Variants in RPTOR observed in about 807,000 individuals in gnomAD.
The protein encoded by RPTOR is regulatory associated protein of MTOR complex 1, also known as regulatory-associated protein of mTOR.
Under a neutral mutation model 169.9 loss-of-function variants are expected in RPTOR, and 21 were observed. The observed-to-expected ratio is 0.12, with a 90% confidence interval of 0.09 to 0.18. RPTOR has a LOEUF of 0.18. RPTOR is among the 10% of genes least tolerant of loss of function. The pLI is 1.00. For missense variants in RPTOR, 1,133 were observed against 1,855.9 expected, an observed-to-expected ratio of 0.61 and a Z score of 7.16; for synonymous variants, 732 against 753.2, an observed-to-expected ratio of 0.97 and a Z score of 0.46.
intron 1 of RPTOR, among the ~76,000 whole-genome samples, chr17:80,577,339 AT>A (rs2064973367): frequency 6.6e-6 from 1 of 152,148 alleles, no homozygotes; most frequent in Admixed American, 6.5e-5. Flanking sequence ...CTCAGTTGTC[AT>A]TCTTGAAAGG....
In RPTOR at chr17:80,707,826, C is replaced by T. The variant is rs72849968; in HGVS notation, c.349-15C>T. On this transcript the variant is annotated splice_polypyrimidine_tract_variant and intron_variant, in intron 3 of 33. Coordinates refer to ENST00000306801, the MANE Select transcript of RPTOR (RefSeq NM_020761.3). This position sits in a 1 kb window ranked among gnomAD's most constrained non-coding sequence, Gnocchi z 5.0. ...GAGTCCGTGGTAAATTTCTTCATTT[C>T]TTCTCCTGCAACAGGCCCGGTACAA... The T allele has an allele frequency of 1.1e-3, 1,799 of 1,605,958 alleles. 1 individual carries two copies. The highest frequency in any genetic ancestry group is 1.4e-3 in the Non-Finnish European group (1,679 of 1,174,070).
At chr17:80,849,083 C>G (rs776945426) in intron 11 of RPTOR, among the ~76,000 whole-genome samples, 1 of 152,140 alleles carries the variant, frequency 6.6e-6, no homozygotes. Flanking sequence ...AATGGGGTAT[C>G]GGCTTCATTT....
intron 6 of RPTOR, among the ~76,000 whole-genome samples, chr17:80,759,477 C>T (rs2143360876): frequency 6.6e-6 from 1 of 152,306 alleles, no homozygotes; most frequent in East Asian, 1.9e-4. Flanking sequence ...CAGATAACCA[C>T]TGCCTGGAAC....
intron 20 of RPTOR, among the ~76,000 whole-genome samples, chr17:80,905,052 A>G (rs1002634997): frequency 2.6e-4 from 40 of 152,200 alleles, no homozygotes; most frequent in African/African-American, 9.6e-4. Context: ...CACGACGCTC[A>G]GTCCTGCTAG....
chr17:80,950,234 G>C (rs1372658784), intron 28 of RPTOR, among the ~76,000 whole-genome samples: 1 of 152,214 alleles, frequency 6.6e-6, no homozygotes, highest in Non-Finnish European at 1.5e-5. Context: ...AGCCCTTGGC[G>C]ATGCTCAGAG....
chr17:80,896,301 G>A (rs2068397728), intron 20 of RPTOR, among the ~76,000 whole-genome samples: 1 of 151,556 alleles, frequency 6.6e-6, no homozygotes, highest in African/African-American at 2.4e-5. Flanking sequence ...TAGGGTCTGA[G>A]TGGGGGCTCC....
At chr17:80,758,841 ATGGG>A (rs1486855045) in intron 6 of RPTOR, among the ~76,000 whole-genome samples, 1 of 151,952 alleles carries the variant, frequency 6.6e-6, no homozygotes, top group Non-Finnish European at 1.5e-5. Context: ...TTTCAGGCAG[ATGGG>A]TGGGGGAGCA....
intron 5 of RPTOR, among the ~76,000 whole-genome samples, chr17:80,743,836 C>CTCTCCTGGTTACT (rs2066518602): frequency 1.1e-5 from 1 of 94,422 alleles, no homozygotes; most frequent in African/African-American, 3.6e-5. Flanking sequence ...GCTACTAGCA[C>CTCTCCTGGTTACT]AGCCCTGGTT....
chr17:80,810,695 T>A (rs9899671), intron 7 of RPTOR, among the ~76,000 whole-genome samples: 24,068 of 152,172 alleles, frequency 0.16, 1,984 homozygotes, highest in Middle Eastern at 0.22. Flanking sequence ...TGACTGGAAT[T>A]ACATTAAATC....
intron 10 of RPTOR, among the ~76,000 whole-genome samples, chr17:80,839,897 C>CT (rs1467599735): frequency 2.0e-5 from 3 of 152,174 alleles, no homozygotes; most frequent in East Asian, 1.9e-4. Flanking sequence ...GGATTTTACT[C>CT]TATCTATGCT....
intron 13 of RPTOR, among the ~76,000 whole-genome samples, chr17:80,872,444 C>T (rs968026275): frequency 2.6e-5 from 4 of 152,126 alleles, no homozygotes; most frequent in African/African-American, 4.8e-5. Flanking sequence ...CCAGACCACA[C>T]GAGCTGGGCC....
chr17:80,614,159 A>G (rs1292788715), intron 1 of RPTOR, among the ~76,000 whole-genome samples: 3 of 152,058 alleles, frequency 2.0e-5, no homozygotes, highest in African/African-American at 7.2e-5. Flanking sequence ...GAGCCAGGGG[A>G]GCCCACCCCC....
chr17:80,649,448 A>T (rs1013091145), intron 3 of RPTOR, among the ~76,000 whole-genome samples: 1 of 150,406 alleles, frequency 6.6e-6, no homozygotes, highest in African/African-American at 2.4e-5. Flanking sequence ...AACTCACCTG[A>T]CTTTCTTCTC....
chr17:80,884,364 G>A (rs893785487), intron 16 of RPTOR, among the ~76,000 whole-genome samples: 4 of 152,224 alleles, frequency 2.6e-5, no homozygotes, highest in Non-Finnish European at 5.9e-5. Context: ...GAAAGGTGCG[G>A]GGCACTGCCC....
intron 3 of RPTOR, among the ~76,000 whole-genome samples, chr17:80,648,547 C>T (rs543774746): frequency 2.0e-5 from 3 of 152,114 alleles, no homozygotes; most frequent in Admixed American, 6.5e-5. Context: ...TGGTGGGAGG[C>T]GCCTAGTCAG....
chr17:80,755,791 G>A (rs796993425), intron 6 of RPTOR, among the ~76,000 whole-genome samples: 33 of 151,748 alleles, frequency 2.2e-4, no homozygotes, highest in African/African-American at 8.0e-4. Context: ...GAGCTGTCTG[G>A]AGGGGGCAGC....
At chr17:80,807,240 G>A (rs997852073) in intron 7 of RPTOR, among the ~76,000 whole-genome samples, 4 of 152,122 alleles carry the variant, frequency 2.6e-5, no homozygotes, top group African/African-American at 9.7e-5. Flanking sequence ...AAAGTATTTA[G>A]TTTGTTTACA....
chr17:80,594,928 C>G (rs974268594), intron 1 of RPTOR, among the ~76,000 whole-genome samples: 1 of 152,064 alleles, frequency 6.6e-6, no homozygotes, highest in Non-Finnish European at 1.5e-5. Context: ...AGGTTAGAGA[C>G]AGGAGGCTCC....
rs1340429767 is a variant in RPTOR, at chr17:80,633,655, C to G, written c.265+7862C>G. On this transcript the variant is annotated intron_variant, in intron 2 of 33. Coordinates refer to ENST00000306801, the MANE Select transcript of RPTOR (RefSeq NM_020761.3). This position sits in a 1 kb window ranked among gnomAD's most constrained non-coding sequence, Gnocchi z 4.1. ...CCTGATTCAGCTGGCGCCTGCTGGA[C>G]CTCATGTGAAATTCCCCTTTGTAGT... is the stretch of plus-strand genomic sequence containing the variant. Among the ~76,000 whole-genome samples the G allele has an allele frequency of 1.3e-5, 2 of 152,194 alleles. No homozygotes were observed. The highest frequency in any genetic ancestry group is 2.9e-5 in the Non-Finnish European group (2 of 68,038).
Sources: allele counts gnomAD v4.1 joint callset (sites outside exome capture counted in the v4.1 genomes callset), GRCh38; gene constraint gnomAD v4.1.1; non-coding constraint Gnocchi (gnomAD v3.1); transcripts MANE v1.5; gene names NCBI Gene and HGNC (gene_info 2026-07-23, HGNC 2026-07-21).